CACNA1E: variants seen among roughly 807,000 people sequenced by gnomAD.
The protein encoded by CACNA1E is calcium voltage-gated channel subunit alpha1 E.
Under a neutral mutation model 259.2 loss-of-function variants are expected in CACNA1E, and 40 were observed. That is an observed-to-expected ratio of 0.15 (90% CI 0.12 to 0.20). The LOEUF (loss-of-function observed/expected upper bound fraction) is 0.20, where lower values mean the gene tolerates loss of function less well. Ranked by LOEUF, CACNA1E falls within the 10% of genes least tolerant of loss-of-function variation. CACNA1E has a pLI of 1.00. For synonymous variants in CACNA1E, 1,104 were observed against 1,138.5 expected (o/e 0.97, Z 0.61); for missense variants, 1,874 against 3,040.1 (o/e 0.62, Z 9.02).
intron 1 of CACNA1E, among the ~76,000 whole-genome samples, chr1:181,369,889 A>G (rs751739462): frequency 1.1e-4 from 16 of 152,172 alleles, no homozygotes; most frequent in Non-Finnish European, 1.9e-4. Flanking sequence ...GGTACAGATT[A>G]TTTTGTCATC....
chr1:181,671,797 G>T lies in CACNA1E; in HGVS notation c.1055+20356G>T, dbSNP rs189668207. On this transcript the variant is annotated intron_variant, in intron 7 of 47. Coordinates refer to ENST00000367573, the MANE Select transcript of CACNA1E (RefSeq NM_001205293.3). Reference sequence around the variant, plus strand: ...AATGCATAATTAACTTGTGTGGAAGGCTTCATTCTTCACTCAGGGGTGTTA... The same window carrying T: ...AATGCATAATTAACTTGTGTGGAAGTCTTCATTCTTCACTCAGGGGTGTTA... Among the ~76,000 whole-genome samples, 57 of 152,330 alleles carry T rather than the reference G, an allele frequency of 3.7e-4. 1 individual carries two copies. The highest frequency in any genetic ancestry group is 1.3e-3 in the African/African-American group (56 of 41,564).
In CACNA1E at chr1:181,798,814, G is replaced by A. The variant is rs769144197; in HGVS notation, c.6922G>A (p.Glu2308Lys). Residue 2308 changes from glutamate (E) to lysine (K), a missense_variant, in exon 48 of 48, where the codon GAA becomes AAA. Around this residue, in one of 14 missense-constraint regions of CACNA1E, gnomAD observed 542 missense variants for 587.2 expected, o/e 0.92. Coordinates refer to ENST00000367573, the MANE Select transcript of CACNA1E (RefSeq NM_001205293.3). The surrounding 1 kb of genome is among the most constrained non-coding windows in gnomAD (Gnocchi z 4.2). ...GAVNNLLSDTEEDDKC is the reference protein window; with the variant it reads ...GAVNNLLSDTKEDDKC ...TGTCAACAACCTGCTAAGTGACACG[G>A]AAGAAGATGACAAATGCTAGAGGCT... is the stretch of plus-strand genomic sequence containing the variant. The A allele has an allele frequency of 6.6e-7, 1 of 1,526,534 alleles. No homozygotes were observed. Among genetic ancestry groups the A allele is most frequent in the East Asian group, 2.3e-5 (1 of 43,862 alleles). The allele number at this position is 1,526,534 out of a possible 1,614,324, so 94.6% of individuals were successfully genotyped here. A position where few individuals can be genotyped will look rare whatever the true frequency, so the allele number is the denominator to read the frequency against.
chr1:181,605,779 G>A (rs1455087144), intron 6 of CACNA1E, among the ~76,000 whole-genome samples: 3 of 152,182 alleles, frequency 2.0e-5, no homozygotes, highest in Non-Finnish European at 4.4e-5. Flanking sequence ...TACAGGGTGT[G>A]TCATCTTCTT....
At chr1:181,771,487 C>T (rs1263310213) in intron 36 of CACNA1E, 103 bp downstream of exon 36, 7 of 696,224 alleles carry the variant, frequency 1.0e-5, no homozygotes, top group Non-Finnish European at 1.8e-5. Context: ...TATTCCACTT[C>T]CTTTGCTCCT....
chr1:181,550,202 A>G (rs1323178894), intron 3 of CACNA1E, among the ~76,000 whole-genome samples: 1 of 151,980 alleles, frequency 6.6e-6, no homozygotes, highest in Non-Finnish European at 1.5e-5. Context: ...AACTTGGGGG[A>G]TGAGAGGGAA....
chr1:181,562,727 T>G (rs1233016647), intron 3 of CACNA1E, among the ~76,000 whole-genome samples: 2 of 152,198 alleles, frequency 1.3e-5, no homozygotes, highest in Non-Finnish European at 2.9e-5. Flanking sequence ...ATCTCTCTGT[T>G]GTTCCTAATA....
At chr1:181,644,756 G>A (rs1282198040) in intron 6 of CACNA1E, among the ~76,000 whole-genome samples, 1 of 152,178 alleles carries the variant, frequency 6.6e-6, no homozygotes, top group African/African-American at 2.4e-5. Flanking sequence ...GGAAAAACTA[G>A]GCAAAGCCTC....
intron 7 of CACNA1E, among the ~76,000 whole-genome samples, chr1:181,694,420 G>C (rs140758044): frequency 1.3e-5 from 2 of 152,318 alleles, no homozygotes; most frequent in African/African-American, 4.8e-5. Flanking sequence ...AATCCCCAGT[G>C]CAACAGAGTT....
intron 1 of CACNA1E, among the ~76,000 whole-genome samples, chr1:181,392,128 G>C (rs73046104): frequency 0.066 from 9,965 of 152,108 alleles, 984 homozygotes; most frequent in African/African-American, 0.21. Flanking sequence ...AAGGAATAGG[G>C]AGTTTGGTAC....
chr1:181,619,871 C>T (rs972996481), intron 6 of CACNA1E, among the ~76,000 whole-genome samples: 1 of 151,728 alleles, frequency 6.6e-6, no homozygotes, highest in African/African-American at 2.4e-5. Context: ...GTGAGAAGAG[C>T]AGGTCTGTGT....
chr1:181,490,781 T>C (rs1446680060), intron 1 of CACNA1E, among the ~76,000 whole-genome samples: 2 of 152,088 alleles, frequency 1.3e-5, no homozygotes, highest in Non-Finnish European at 2.9e-5. Flanking sequence ...TTTCTTCCCT[T>C]TGGGGGAGGG....
intron 46 of CACNA1E, among the ~76,000 whole-genome samples, chr1:181,796,193 T>C (rs1363086488): frequency 6.6e-6 from 1 of 152,198 alleles, no homozygotes; most frequent in Non-Finnish European, 1.5e-5. Context: ...CTTTCTCCCC[T>C]GCTTCCCTTT....
chr1:181,759,432 G>A (rs1407838357), intron 32 of CACNA1E, among the ~76,000 whole-genome samples: 1 of 141,016 alleles, frequency 7.1e-6, no homozygotes, highest in African/African-American at 2.7e-5. Context: ...TGTGTATGGA[G>A]TGCAAGGGGA....
At chr1:181,731,517 C>T (rs1485202367) in intron 19 of CACNA1E, among the ~76,000 whole-genome samples, 1 of 152,136 alleles carries the variant, frequency 6.6e-6, no homozygotes, top group African/African-American at 2.4e-5. Flanking sequence ...ATACCTCTCA[C>T]GTAGGTAGTT....
Position 181,737,418 on chromosome 1 carries a change from A to G in CACNA1E, c.3423-107A>G, listed in dbSNP as rs1156551776. Reference sequence around the variant, plus strand: ...GCTCTCCCTGGCGGCTTCCTTTGGCAAGGGCCTGGCTGTCTGGAAGGGGCC... The same window carrying G: ...GCTCTCCCTGGCGGCTTCCTTTGGCGAGGGCCTGGCTGTCTGGAAGGGGCC... On this transcript the variant is annotated intron_variant, in intron 22 of 47. Transcript: ENST00000367573. 1.0e-5 allele frequency: 14 copies of G among 1,340,716 alleles called. No individual in the cohort carries two copies. In the East Asian group the frequency reaches 3.4e-4, roughly 32 times the overall value. The allele number at this position is 1,340,716 out of a possible 1,614,324, so 83.1% of individuals were successfully genotyped here. A position where few individuals can be genotyped will look rare whatever the true frequency, so the allele number is the denominator to read the frequency against.
At chr1:181,726,379 G>A (rs1313139526) in intron 18 of CACNA1E, among the ~76,000 whole-genome samples, 1 of 152,232 alleles carries the variant, frequency 6.6e-6, no homozygotes, top group Non-Finnish European at 1.5e-5. Flanking sequence ...ATAGTGACAG[G>A]TGCTATAAGT....
chr1:181,402,893 T>C (rs567889871), intron 1 of CACNA1E, among the ~76,000 whole-genome samples: 1 of 152,384 alleles, frequency 6.6e-6, no homozygotes, highest in African/African-American at 2.4e-5. Context: ...CTAGGTACAG[T>C]GTTACTAGCT....
chr1:181,492,389 C>T (rs1023399260), intron 1 of CACNA1E, among the ~76,000 whole-genome samples: 1 of 152,152 alleles, frequency 6.6e-6, no homozygotes, highest in African/African-American at 2.4e-5. Context: ...TAGCTCATTA[C>T]CACTTTTTTT....
At chr1:181,505,694 A>G (rs950556077) in intron 1 of CACNA1E, among the ~76,000 whole-genome samples, 6 of 151,632 alleles carry the variant, frequency 4.0e-5, no homozygotes, top group Admixed American at 2.0e-4. Flanking sequence ...TTTTTTAAAC[A>G]TGAAAGGGAT....
Sources: allele counts gnomAD v4.1 joint callset (sites outside exome capture counted in the v4.1 genomes callset), GRCh38; gene constraint gnomAD v4.1.1; regional missense constraint gnomAD v4.1.1; non-coding constraint Gnocchi (gnomAD v3.1); transcripts MANE v1.5; gene names NCBI Gene and HGNC (gene_info 2026-07-23, HGNC 2026-07-21).